The following GPHN variants were observed in gnomAD, a reference collection of about 807,000 sequenced individuals.
The protein encoded by GPHN is gephyrin.
GPHN carries 17 observed loss-of-function variants against 95.5 expected under a neutral mutation model. The observed-to-expected ratio is 0.18, with a 90% CI of 0.12 to 0.27. GPHN has a LOEUF of 0.27. GPHN is among the 10% of genes least tolerant of loss of function. The pLI is 1.00. For synonymous variants in GPHN, 320 were observed against 322.5 expected, an observed-to-expected ratio of 0.99 and a Z score of 0.08; for missense variants, 660 against 978.1, an observed-to-expected ratio of 0.67 and a Z score of 4.34.
intron 9 of GPHN, among the ~76,000 whole-genome samples, chr14:67,015,828 G>A (rs952671629): frequency 5.9e-5 from 9 of 152,178 alleles, no homozygotes; most frequent in Admixed American, 2.6e-4. Flanking sequence ...GTATGTGTGT[G>A]TGTATGGAAG....
chr14:67,144,244 A>ATATATATATAT (rs1222844885), intron 18 of GPHN, among the ~76,000 whole-genome samples: 1 of 67,650 alleles, frequency 1.5e-5, no homozygotes, highest in Non-Finnish European at 2.5e-5. Flanking sequence ...CTTAAAAAAA[A>ATATATATATAT]AAAAAAATAT....
Position 66,636,766 on chromosome 14 carries a change from A to C in GPHN, c.65-44341A>C, listed in dbSNP as rs1030543070. On this transcript the variant is annotated intron_variant, in intron 1 of 22. Transcript: ENST00000478722. The stretch of plus-strand genomic sequence containing the variant: ...AACATGGATTTCAGCAAAGTTTCTG[A>C]AAAGATAATTAACAAGCAGGCTGGT... Among the ~76,000 whole-genome samples the C allele has an allele frequency of 1.3e-5, 2 of 152,174 alleles. 1 individual carries two copies. The highest frequency in any genetic ancestry group is 2.9e-5 in the Non-Finnish European group (2 of 68,012).
chr14:67,049,924 C>G (rs1376745676), intron 10 of GPHN, among the ~76,000 whole-genome samples: 1 of 152,168 alleles, frequency 6.6e-6, no homozygotes, highest in Non-Finnish European at 1.5e-5. Context: ...ATTGAAAACA[C>G]ACGCACGCAC....
chr14:67,117,404 A>G (rs569059238), intron 16 of GPHN, among the ~76,000 whole-genome samples: 6 of 152,230 alleles, frequency 3.9e-5, no homozygotes, highest in Non-Finnish European at 8.8e-5. Context: ...TGTGAAAGAG[A>G]AAACAGAAGC....
At chr14:66,676,502 G>T (rs1217661844) in intron 1 of GPHN, among the ~76,000 whole-genome samples, 1 of 151,940 alleles carries the variant, frequency 6.6e-6, no homozygotes, top group Non-Finnish European at 1.5e-5. Context: ...TTTTTAGAGT[G>T]TTTATTATGA....
At chr14:66,520,400 G>T (rs2058428203) in intron 1 of GPHN, among the ~76,000 whole-genome samples, 1 of 152,004 alleles carries the variant, frequency 6.6e-6, no homozygotes, top group African/African-American at 2.4e-5. Context: ...CTTTTATTAG[G>T]ATTCTTTATT....
chr14:67,404,009 C>T, the GPHN span, among the ~76,000 whole-genome samples: 167 of 152,130 alleles, frequency 1.1e-3, no homozygotes, highest in African/African-American at 3.8e-3. Context: ...GCTGTGATTG[C>T]GCTACCACAC....
the GPHN span, among the ~76,000 whole-genome samples, chr14:67,503,069 C>T: frequency 3.9e-5 from 6 of 152,036 alleles, no homozygotes; most frequent in Non-Finnish European, 7.4e-5. Context: ...AGCAGATAAC[C>T]GCACGCTAAC....
chr14:66,541,875 G>T (rs1594885449), intron 1 of GPHN, among the ~76,000 whole-genome samples: 2 of 152,314 alleles, frequency 1.3e-5, no homozygotes, highest in South Asian at 2.1e-4. Flanking sequence ...TTTAGATTCT[G>T]TTCCATTTGT....
rs141036613 is a variant in GPHN, at chr14:66,725,990, AATCT to A, written c.143+44806_143+44809del. ...TTAGCATAGTAATTGTTATTTTCAT[AATCT>A]CTAAATCAGTTTCTTCTGGGTTCTG... On this transcript the variant is annotated intron_variant, in intron 2 of 22. Transcript: ENST00000478722. Among the ~76,000 whole-genome samples, 1,456 of 152,336 alleles carry A rather than the reference AATCT, an allele frequency of 9.6e-3. 20 individuals are homozygous for A. The highest frequency in any genetic ancestry group is 0.032 in the African/African-American group (1,348 of 41,568).
chr14:66,843,083 T>C (rs1277190989), intron 4 of GPHN, among the ~76,000 whole-genome samples: 1 of 152,118 alleles, frequency 6.6e-6, no homozygotes, highest in Non-Finnish European at 1.5e-5. Context: ...CTGCTTCTGA[T>C]GATCTGTCAT....
chr14:67,726,525 G>A, the GPHN span, among the ~76,000 whole-genome samples: 2 of 152,202 alleles, frequency 1.3e-5, no homozygotes, highest in African/African-American at 2.4e-5. Context: ...GTTGGTCCAC[G>A]GAGGTAGGCA....
At chr14:67,411,528 C>G in the GPHN span, among the ~76,000 whole-genome samples, 3 of 152,256 alleles carry the variant, frequency 2.0e-5, no homozygotes, top group East Asian at 5.8e-4. Flanking sequence ...CGAGCAAGTT[C>G]CCTAACTCCT....
the GPHN span, among the ~76,000 whole-genome samples, chr14:67,231,820 T>C: frequency 1.3e-5 from 2 of 151,696 alleles, no homozygotes; most frequent in African/African-American, 4.8e-5. Flanking sequence ...CACAAAAAAA[T>C]TAACTGGGCA....
At chr14:67,395,404 CAGGCTGATGTGCG>C in the GPHN span, 1 of 1,613,482 alleles carries the variant, frequency 6.2e-7, no homozygotes, top group African/African-American at 1.3e-5. Context: ...GCACTCACTG[CAGGCTGATGTGCG>C]GGGGCAGCTT....
At chr14:67,067,237 T>C (rs1402398942) in intron 11 of GPHN, among the ~76,000 whole-genome samples, 1 of 152,218 alleles carries the variant, frequency 6.6e-6, no homozygotes, top group Non-Finnish European at 1.5e-5. Context: ...CTCCAGACAC[T>C]GTTTCCTTGG....
intron 9 of GPHN, among the ~76,000 whole-genome samples, chr14:66,989,305 G>A (rs1373669287): frequency 4.0e-5 from 6 of 151,730 alleles, no homozygotes; most frequent in African/African-American, 1.5e-4. Flanking sequence ...AATTATTCTA[G>A]AAACCCATAA....
At chr14:66,678,417 C>T (rs1206402293) in intron 1 of GPHN, among the ~76,000 whole-genome samples, 6 of 150,342 alleles carry the variant, frequency 4.0e-5, no homozygotes, top group African/African-American at 1.5e-4. Context: ...TTCTTGAGTT[C>T]CGGGATTTCT....
the GPHN span, among the ~76,000 whole-genome samples, chr14:67,399,656 G>T: frequency 6.8e-6 from 1 of 147,282 alleles, no homozygotes; most frequent in Non-Finnish European, 1.5e-5. Flanking sequence ...TTCTCAGGTG[G>T]CAGGAATAAA....
Sources: allele counts gnomAD v4.1 joint callset (sites outside exome capture counted in the v4.1 genomes callset), GRCh38; gene constraint gnomAD v4.1.1; transcripts MANE v1.5; gene names NCBI Gene and HGNC (gene_info 2026-07-23, HGNC 2026-07-21).